The following SCHIP1 variants were observed in gnomAD, a reference collection of about 807,000 sequenced individuals.
SCHIP1 encodes the protein schwannomin interacting protein 1.
Under a neutral mutation model 29.7 loss-of-function variants are expected in SCHIP1, and 8 were observed. The ratio of observed to expected loss-of-function variants is 0.27; its 90% CI spans 0.16 to 0.49. The LOEUF is 0.49. SCHIP1 is among the 20% of genes least tolerant of loss of function. The pLI, the probability that SCHIP1 is intolerant of heterozygous loss-of-function variation, is 0.99. For missense variants in SCHIP1, 193 were observed against 294.6 expected (o/e 0.66, Z 2.52); for synonymous variants, 76 against 94.9 (o/e 0.80, Z 1.16).
At chr3:159,456,824 C>G in the SCHIP1 span, among the ~76,000 whole-genome samples, 1 of 152,130 alleles carries the variant, frequency 6.6e-6, no homozygotes, top group Non-Finnish European at 1.5e-5. Context: ...CACATACACA[C>G]ATCATAAATA....
chr3:159,404,180 C>T, the SCHIP1 span, among the ~76,000 whole-genome samples: 1 of 152,106 alleles, frequency 6.6e-6, no homozygotes, highest in South Asian at 2.1e-4. Flanking sequence ...GATGTGCTGG[C>T]TTCGTGTGCG....
chr3:159,665,299 G>A, the SCHIP1 span, among the ~76,000 whole-genome samples: 4 of 152,000 alleles, frequency 2.6e-5, no homozygotes, highest in African/African-American at 9.7e-5. Context: ...TTTTTCAGTG[G>A]GGTCATTTTA....
At chr3:159,551,739 T>TA in the SCHIP1 span, among the ~76,000 whole-genome samples, 5 of 151,846 alleles carry the variant, frequency 3.3e-5, no homozygotes, top group African/African-American at 4.8e-5. Flanking sequence ...TCTTTTTCAT[T>TA]AAAAAAAAGA....
the SCHIP1 span, among the ~76,000 whole-genome samples, chr3:159,595,032 C>T: frequency 1.3e-5 from 2 of 152,258 alleles, no homozygotes; most frequent in African/African-American, 4.8e-5. Flanking sequence ...TGCAATCACC[C>T]AGCGAGTGAC....
At chr3:159,419,740 C>T in the SCHIP1 span, among the ~76,000 whole-genome samples, 13 of 152,230 alleles carry the variant, frequency 8.5e-5, no homozygotes, top group African/African-American at 2.9e-4. Context: ...ACCCAGGAGG[C>T]GGAGGTTGCA....
chr3:159,278,419 T>C, the SCHIP1 span, among the ~76,000 whole-genome samples: 1 of 152,218 alleles, frequency 6.6e-6, no homozygotes, highest in Non-Finnish European at 1.5e-5. Flanking sequence ...ACTGGAGTTA[T>C]AATTTATCTT....
At chr3:159,716,485 T>C in the SCHIP1 span, among the ~76,000 whole-genome samples, 2 of 152,192 alleles carry the variant, frequency 1.3e-5, no homozygotes, top group Non-Finnish European at 1.5e-5. Flanking sequence ...GATCCATCAG[T>C]GTGCTGTATT....
At chr3:159,609,254 A>AG in the SCHIP1 span, among the ~76,000 whole-genome samples, 1 of 152,028 alleles carries the variant, frequency 6.6e-6, no homozygotes, top group South Asian at 2.1e-4. Flanking sequence ...CTAGGTGGGT[A>AG]GGGGGGAAGC....
At chr3:159,362,566 G>T in the SCHIP1 span, among the ~76,000 whole-genome samples, 2 of 152,242 alleles carry the variant, frequency 1.3e-5, no homozygotes, top group Non-Finnish European at 2.9e-5. Flanking sequence ...CAACCTCATT[G>T]TTCAGTTGGG....
chr3:159,291,951 C>T, the SCHIP1 span, among the ~76,000 whole-genome samples: 3 of 152,038 alleles, frequency 2.0e-5, no homozygotes, highest in Non-Finnish European at 4.4e-5. Flanking sequence ...GATGTAACAA[C>T]CAAATACAGT....
chr3:159,794,595 A>G, the SCHIP1 span, among the ~76,000 whole-genome samples: 1 of 152,186 alleles, frequency 6.6e-6, no homozygotes, highest in African/African-American at 2.4e-5. Context: ...AAGGCCAAAG[A>G]ACTCACCTCT....
the SCHIP1 span, among the ~76,000 whole-genome samples, chr3:159,397,703 G>A: frequency 6.6e-6 from 1 of 152,222 alleles, no homozygotes; most frequent in Non-Finnish European, 1.5e-5. Flanking sequence ...TGCATGCTGG[G>A]AGAACCACTG....
the SCHIP1 span, among the ~76,000 whole-genome samples, chr3:159,762,668 G>A: frequency 6.6e-6 from 1 of 152,182 alleles, no homozygotes; most frequent in Non-Finnish European, 1.5e-5. Context: ...GTTCTTACAG[G>A]TCAGAATGGT....
intron 1 of SCHIP1, among the ~76,000 whole-genome samples, chr3:159,850,542 C>CAAAAAA (rs61224003): frequency 1.9e-5 from 2 of 104,936 alleles, no homozygotes; most frequent in Non-Finnish European, 4.0e-5. Context: ...GATTCCATCT[C>CAAAAAA]AAAAAAAAAA....
the SCHIP1 span, among the ~76,000 whole-genome samples, chr3:159,519,806 T>C: frequency 1.3e-5 from 2 of 151,670 alleles, no homozygotes; most frequent in Admixed American, 1.3e-4. Context: ...GGGTAGTGGA[T>C]ATTTACTCTC....
the SCHIP1 span, among the ~76,000 whole-genome samples, chr3:159,713,061 A>G: frequency 6.6e-6 from 1 of 151,630 alleles, no homozygotes; most frequent in African/African-American, 2.4e-5. Flanking sequence ...AGGCTGAGGC[A>G]GGAGAATTGC....
the SCHIP1 span, among the ~76,000 whole-genome samples, chr3:159,336,672 C>T: frequency 2.0e-5 from 3 of 152,134 alleles, no homozygotes; most frequent in African/African-American, 7.2e-5. Context: ...GGTATTATTT[C>T]TGAGGGCTGT....
the SCHIP1 span, among the ~76,000 whole-genome samples, chr3:159,803,464 A>T: frequency 3.1e-4 from 47 of 152,340 alleles, no homozygotes; most frequent in Admixed American, 8.5e-4. Context: ...TTAGGAGCCC[A>T]CATCTTTAAA....
the SCHIP1 span, among the ~76,000 whole-genome samples, chr3:159,403,153 G>T: frequency 6.6e-6 from 1 of 152,090 alleles, no homozygotes; most frequent in Non-Finnish European, 1.5e-5. Flanking sequence ...ATAAAATGTA[G>T]GGATAATCAA....
Sources: gnomAD v4.1 joint callset for allele counts (sites outside exome capture counted in the v4.1 genomes callset) on GRCh38, gnomAD v4.1.1 for gene constraint, MANE v1.5 for transcripts, NCBI Gene and HGNC (gene_info 2026-07-23, HGNC 2026-07-21) for gene names.